FAM107B: variants seen among roughly 807,000 people sequenced by gnomAD.
FAM107B encodes the protein family with sequence similarity 107 member B.
A neutral mutation model predicts 31.5 loss-of-function variants in FAM107B; 21 were observed. That is an observed-to-expected ratio of 0.67 (90% confidence interval 0.47 to 0.96). The LOEUF is 0.96. Ranked by LOEUF, FAM107B falls within the 40% of genes least tolerant of loss-of-function variation. The pLI is 0.00. For missense variants in FAM107B, 452 were observed against 377.1 expected, an observed-to-expected ratio of 1.20 and a Z score of -1.64; for synonymous variants, 157 against 141.5, an observed-to-expected ratio of 1.11 and a Z score of -0.78.
At chr10:14,574,862 C>T (rs1314504415) in intron 2 of FAM107B, among the ~76,000 whole-genome samples, 1 of 152,090 alleles carries the variant, frequency 6.6e-6, no homozygotes, top group African/African-American at 2.4e-5. Context: ...GTATAATTGG[C>T]CACAGCTAGC....
Position 14,767,020 on chromosome 10 carries a change from GTATGTATA to G in FAM107B, c.411+7225_411+7232del, listed in dbSNP as rs1477409026. ...AACTGCAGAACAATATCCCTGATGT[GTATGTATA>G]TATATATATATATATATATATATAT... On this transcript the variant is annotated intron_variant, in intron 1 of 4. Coordinates refer to ENST00000181796, the MANE Select transcript of FAM107B (RefSeq NM_031453.4). Among the ~76,000 whole-genome samples the G allele has an allele frequency of 2.9e-3, 89 of 30,404 alleles. 1 individual carries two copies. Among genetic ancestry groups the G allele is most frequent in the African/African-American group, 7.2e-3 (85 of 11,728 alleles). The allele number at this position is 30,404 out of a possible 152,430, so 19.9% of individuals were successfully genotyped here.
chr10:14,628,112 G>GGTTTTTTTTTTTTTTTTTTTTT (rs1440347763), intron 2 of FAM107B, among the ~76,000 whole-genome samples: 1 of 92,676 alleles, frequency 1.1e-5, no homozygotes, highest in South Asian at 4.5e-4. Flanking sequence ...TGTTTTGCTG[G>GGTTTTTTTTTTTTTTTTTTTTT]TTTTTTTTTT....
chr10:14,752,570 C>T (rs1588755470), intron 1 of FAM107B, among the ~76,000 whole-genome samples: 1 of 152,172 alleles, frequency 6.6e-6, no homozygotes, highest in Non-Finnish European at 1.5e-5. Flanking sequence ...GGAGTTTAAT[C>T]GCATCGTGTA....
chr10:14,716,257 G>A (rs149203027), intron 1 of FAM107B, among the ~76,000 whole-genome samples: 308 of 152,224 alleles, frequency 2.0e-3, no homozygotes, highest in African/African-American at 7.0e-3. Context: ...TTCTAGCTTC[G>A]GGCCTATCCT....
chr10:14,528,746 A>C (rs1318682915), intron 3 of FAM107B, among the ~76,000 whole-genome samples: 3 of 152,230 alleles, frequency 2.0e-5, no homozygotes, highest in Non-Finnish European at 2.9e-5. Flanking sequence ...ACAGAATGGA[A>C]GCCCTTTCTC....
Position 14,558,178 on chromosome 10 carries a change from AGT to A in FAM107B, c.470-27665_470-27664del, listed in dbSNP as rs199648600. Among the ~76,000 whole-genome samples the A allele has an allele frequency of 5.9e-4, 83 of 139,876 alleles. 2 individuals carry two copies. The highest frequency in any genetic ancestry group is 5.1e-3 in the East Asian group (23 of 4,540). The allele number at this position is 139,876 out of a possible 152,430, so 91.8% of individuals were successfully genotyped here. A position where few individuals can be genotyped will look rare whatever the true frequency, so the allele number is the denominator to read the frequency against. On this transcript the variant is annotated intron_variant, in intron 2 of 4. Transcript: ENST00000181796. ...ACCCATCATCACCTGCCTCCCCACC[AGT>A]GTGTGTGTGCACACACTCACGTGCA...
chr10:14,761,512 G>A (rs925148712), intron 1 of FAM107B, among the ~76,000 whole-genome samples: 25 of 152,274 alleles, frequency 1.6e-4, no homozygotes, highest in African/African-American at 5.8e-4. Flanking sequence ...CGTCTGCATA[G>A]TATTTAGTTT....
chr10:14,581,231 C>G (rs918306246), intron 2 of FAM107B, among the ~76,000 whole-genome samples: 1 of 152,132 alleles, frequency 6.6e-6, no homozygotes, highest in Admixed American at 6.5e-5. Flanking sequence ...AAGGGTGGCC[C>G]GGAGGCCTCT....
chr10:14,683,284 G>A (rs1854885577), intron 1 of FAM107B, among the ~76,000 whole-genome samples: 1 of 152,222 alleles, frequency 6.6e-6, no homozygotes, highest in Non-Finnish European at 1.5e-5. Context: ...AGAACTCACT[G>A]AGGAGAATTT....
intron 2 of FAM107B, among the ~76,000 whole-genome samples, chr10:14,572,622 G>A (rs1441839242): frequency 6.6e-6 from 1 of 150,700 alleles, no homozygotes; most frequent in Non-Finnish European, 1.5e-5. Flanking sequence ...TACTCCAGAG[G>A]ATCGCTTGTA....
At chr10:14,697,561 TG>T (rs1415516152) in intron 1 of FAM107B, among the ~76,000 whole-genome samples, 13 of 152,206 alleles carry the variant, frequency 8.5e-5, no homozygotes, top group African/African-American at 2.7e-4. Flanking sequence ...GGAACAGAGA[TG>T]AGAGAAATAG....
chr10:14,577,583 A>T (rs1851505056), intron 2 of FAM107B, among the ~76,000 whole-genome samples: 1 of 152,254 alleles, frequency 6.6e-6, no homozygotes, highest in African/African-American at 2.4e-5. Context: ...TCAGAGTGTT[A>T]GCCCCTGATT....
intron 2 of FAM107B, among the ~76,000 whole-genome samples, chr10:14,623,801 G>C (rs530380131): frequency 6.6e-6 from 1 of 152,266 alleles, no homozygotes; most frequent in East Asian, 1.9e-4. Flanking sequence ...CTCCAGCCTG[G>C]GGGACAGACG....
At chr10:14,602,004 T>A (rs1213240585) in intron 2 of FAM107B, among the ~76,000 whole-genome samples, 1 of 152,186 alleles carries the variant, frequency 6.6e-6, no homozygotes, top group Admixed American at 6.5e-5. Flanking sequence ...GAAGCGCAAA[T>A]CAAGTCCATT....
At chr10:14,755,196 C>G (rs1267423441) in intron 1 of FAM107B, among the ~76,000 whole-genome samples, 1 of 152,064 alleles carries the variant, frequency 6.6e-6, no homozygotes, top group South Asian at 2.1e-4. Context: ...CTAAATGAAA[C>G]TTAAAATAAT....
chr10:14,772,362 A>AAAAAATATAT (rs10651238), intron 1 of FAM107B, among the ~76,000 whole-genome samples: 82 of 145,632 alleles, frequency 5.6e-4, no homozygotes, highest in African/African-American at 1.9e-3. Context: ...TTAAAAAAAA[A>AAAAAATATAT]ATATATATAT....
At position 14,530,508 on chromosome 10, in the gene FAM107B, T is replaced by C. The variant is rs770428558; in HGVS notation, c.477A>G (p.Pro159=). 6.2e-7 allele frequency: 1 copy of C among 1,611,796 alleles called. No individual in the cohort carries two copies. Among genetic ancestry groups the C allele is most frequent in the Non-Finnish European group, 8.5e-7 (1 of 1,179,584 alleles). The change falls in exon 3 of 5, where the codon CCA becomes CCG. Residue 159 remains proline, a synonymous_variant. Coordinates refer to ENST00000181796, the MANE Select transcript of FAM107B (RefSeq NM_031453.4). ...AGTCCTTATGGTCAATATCCTCAGGTGGGCTGTCTGAAAGAGAAAGATGAG... is the reference window on the plus strand; with the variant it reads ...AGTCCTTATGGTCAATATCCTCAGGCGGGCTGTCTGAAAGAGAAAGATGAG... ...ELEQKMTSDS[P]PEDIDHKDSY...
chr10:14,536,291 C>T (rs544742849), intron 2 of FAM107B, among the ~76,000 whole-genome samples: 2 of 152,284 alleles, frequency 1.3e-5, no homozygotes, highest in African/African-American at 2.4e-5. Context: ...TTTACAGGTG[C>T]GCTACCACCA....
chr10:14,735,651 G>A (rs1258182475), intron 1 of FAM107B, among the ~76,000 whole-genome samples: 2 of 152,148 alleles, frequency 1.3e-5, no homozygotes, highest in Non-Finnish European at 2.9e-5. Context: ...GGCCTGCACT[G>A]TTCAGGAAGA....
Sources: gnomAD v4.1 joint callset for allele counts (sites outside exome capture counted in the v4.1 genomes callset) on GRCh38, gnomAD v4.1.1 for gene constraint, MANE v1.5 for transcripts, NCBI Gene and HGNC (gene_info 2026-07-23, HGNC 2026-07-21) for gene names.